Variants in PROM2 observed in about 807,000 individuals in gnomAD.
PROM2 encodes the protein prominin-2.
In PROM2, 90 loss-of-function variants were observed where a neutral mutation model predicts 110.2. The ratio of observed to expected loss-of-function variants is 0.82; its 90% CI spans 0.69 to 0.97. The LOEUF (loss-of-function observed/expected upper bound fraction) is 0.97, where lower values mean the gene tolerates loss of function less well. Ranked by LOEUF, PROM2 falls within the 50% of genes least tolerant of loss-of-function variation. PROM2 has a pLI of 0.00. For missense variants in PROM2, 1,009 were observed against 1,074.8 expected (o/e 0.94, Z 0.86); for synonymous variants, 470 against 467.8 (o/e 1.00, Z -0.06).
intron 13 of PROM2, 30 bp downstream of exon 13, chr2:95,282,046 C>T: frequency 6.2e-7 from 1 of 1,612,128 alleles, no homozygotes; most frequent in Non-Finnish European, 8.5e-7. Context: ...AGAGCTGGGA[C>T]CGGGGAAGGA....
intron 22 of PROM2, 136 bp from the exon 23 acceptor site, chr2:95,288,797 G>T: frequency 1.1e-6 from 1 of 931,796 alleles, no homozygotes; most frequent in Non-Finnish European, 1.7e-6. Context: ...ATCCATTTGG[G>T]CGCAGCTTCG....
Position 95,289,357 on chromosome 2 carries a change from A to C in PROM2, c.*144A>C. 1 of 301,758 alleles carries C rather than the reference A, an allele frequency of 3.3e-6. No homozygotes were observed. The highest frequency in any genetic ancestry group is 7.5e-5 in the East Asian group (1 of 13,416). The allele number at this position is 301,758 out of a possible 1,614,324, so 18.7% of individuals were successfully genotyped here. On this transcript the variant is annotated 3_prime_UTR_variant, in exon 24 of 24. Coordinates refer to ENST00000317620, the MANE Select transcript of PROM2 (RefSeq NM_001165978.3). ...CCCCAGTTCCGGCTTACCTGGCCCC[A>C]CCTTGCCTGCTCCTTTCCACCCCTT...
intron 21 of PROM2, 66 bp from the exon 22 acceptor site, chr2:95,288,417 G>A: frequency 6.3e-7 from 1 of 1,591,394 alleles, no homozygotes; most frequent in African/African-American, 1.3e-5. Context: ...CGGCTCTGAT[G>A]ACAAGGCAGC....
rs750836561 is a variant in PROM2 at position 95,287,440 on chromosome 2, G to T, written c.2220G>T (p.Gln740His). The T allele has an allele frequency of 3.1e-6, 5 of 1,614,106 alleles. No homozygotes were observed. Among genetic ancestry groups the T allele is most frequent in the Non-Finnish European group, 4.2e-6 (5 of 1,180,012 alleles). Residue 740 changes from glutamine to histidine, a missense_variant, in exon 20 of 24, where the codon CAG becomes CAT. By Grantham distance (24) the Gln-to-His change is conservative. Coordinates refer to ENST00000317620, the MANE Select transcript of PROM2 (RefSeq NM_001165978.3). ...CCCGGGAGATGGGCTACTTCTCCCAGTACGTGGCCTGGGTGAGAGAGGAGG... is the reference window on the plus strand; with the variant it reads ...CCCGGGAGATGGGCTACTTCTCCCATTACGTGGCCTGGGTGAGAGAGGAGG... The part of the protein sequence containing the change: ...FLAREMGYFS[Q>H]YVAWVREEVT...
Position 95,288,471 on chromosome 2 carries a change from G to A in PROM2, c.2335-12G>A, listed in dbSNP as rs780667506. On this transcript the variant is annotated splice_polypyrimidine_tract_variant and intron_variant, in intron 21 of 23. Coordinates refer to ENST00000317620, the MANE Select transcript of PROM2 (RefSeq NM_001165978.3). Reference sequence around the variant, plus strand: ...ACGTGGGTTGGTGAGCCGACCTCACGCCTTGTTGCAGAATGCCTTCTGGTT... The same window carrying A: ...ACGTGGGTTGGTGAGCCGACCTCACACCTTGTTGCAGAATGCCTTCTGGTT... The A allele has an allele frequency of 4.3e-6, 7 of 1,613,278 alleles. No individual in the cohort carries two copies. Among genetic ancestry groups the A allele is most frequent in the Admixed American group, 1.7e-5 (1 of 59,996 alleles).
In PROM2 at chr2:95,274,847, C is replaced by T. The variant is rs773388506; in HGVS notation, c.244+18C>T. 3 of 1,525,368 alleles carry T rather than the reference C, an allele frequency of 2.0e-6. No individual in the cohort carries two copies. Among genetic ancestry groups the T allele is most frequent in the African/African-American group, 2.8e-5 (2 of 72,218 alleles). The allele number at this position is 1,525,368 out of a possible 1,614,324, so 94.5% of individuals were successfully genotyped here. ...CCCTTCAGGTGAGTGTGCCCCTCCC[C>T]CATGAGGGCCTCAGCATTTGGGTCC... is the stretch of plus-strand genomic sequence containing the variant. On this transcript the variant is annotated intron_variant, in intron 1 of 23. Transcript: ENST00000317620.
At position 95,274,454 on chromosome 2, in the gene PROM2, C is replaced by T. The variant is rs1052473099; in HGVS notation, c.-132C>T. ...GGCAGGGAGGCGGGAGGCCAGGTAG[C>T]TCAGGAACCCAAACCTGTCGGGCAG... On this transcript the variant is annotated 5_prime_UTR_variant, in exon 1 of 24. Transcript: ENST00000317620. 11 of 1,242,290 alleles carry T rather than the reference C, an allele frequency of 8.9e-6. No individual in the cohort carries two copies. Among genetic ancestry groups the T allele is most frequent in the African/African-American group, 6.2e-5 (4 of 64,756 alleles). 77.0% of individuals were successfully genotyped at this position (1,242,290 alleles called of 1,614,324 possible). A position where few individuals can be genotyped will look rare whatever the true frequency, so the allele number is the denominator to read the frequency against.
chr2:95,285,767 C>T (rs538758307), intron 16 of PROM2, 57 bp downstream of exon 16: 68 of 1,512,164 alleles, frequency 4.5e-5, no homozygotes, highest in Admixed American at 1.2e-4. Flanking sequence ...GCTTGGGAGG[C>T]GGGAAAGGGT....
chr2:95,277,991 G>A lies in PROM2; in HGVS notation c.1037G>A (p.Ser346Asn). 1 of 1,610,452 alleles carries A rather than the reference G, an allele frequency of 6.2e-7. No individual in the cohort carries two copies. Among genetic ancestry groups the A allele is most frequent in the Non-Finnish European group, 8.5e-7 (1 of 1,178,818 alleles). The change falls in exon 8 of 24, where the codon AGC becomes AAC. Residue 346 changes from serine to asparagine, a missense_variant. By Grantham distance (46) the Ser-to-Asn change is conservative. Coordinates refer to ENST00000317620, the MANE Select transcript of PROM2 (RefSeq NM_001165978.3). ...GGTGTCCCCGAGGCCAACTTCTCCAGCATGGTCCAGGAGGTGAGAGCCACC... is the reference window on the plus strand; with the variant it reads ...GGTGTCCCCGAGGCCAACTTCTCCAACATGGTCCAGGAGGTGAGAGCCACC... ...LKGVPEANFSSMVQEENSTFN... is the reference protein window; with the variant it reads ...LKGVPEANFSNMVQEENSTFN...
intron 8 of PROM2, chr2:95,278,213 G>A (rs537764016): frequency 2.3e-4 from 135 of 597,128 alleles, no homozygotes; most frequent in African/African-American, 2.0e-3. Flanking sequence ...GGCGGCAGGC[G>A]TCTGGGGGTG....
At chr2:95,277,866 C>T in intron 7 of PROM2, 64 bp from the exon 8 acceptor site, 1 of 1,411,548 alleles carries the variant, frequency 7.1e-7, no homozygotes, top group African/African-American at 1.4e-5. Flanking sequence ...CCCTCATCCA[C>T]CCTCAGGGAT....
chr2:95,274,937 C>T (rs1676560604), intron 1 of PROM2, 108 bp downstream of exon 1: 2 of 1,382,722 alleles, frequency 1.4e-6, no homozygotes, highest in Admixed American at 2.5e-5. Context: ...AGGCACTTGC[C>T]ATCTTCCTGG....
chr2:95,274,658 G>A lies in PROM2; in HGVS notation c.73G>A (p.Ala25Thr). ...GLGLALSQLA[A>T]GATDCKFLGP... ...GGGGCTGGCCCTGAGTCAGCTGGCT[G>A]CAGGGGCCACAGACTGCAAGTTCCT... is the stretch of plus-strand genomic sequence containing the variant. The change falls in exon 1 of 24, where the codon GCA (alanine) becomes ACA (threonine). Residue 25 changes from alanine (A) to threonine (T), a missense_variant. By Grantham distance (58) the Ala-to-Thr change is moderately conservative (BLOSUM62 0). Transcript: ENST00000317620. 6.2e-7 allele frequency: 1 copy of A among 1,610,756 alleles called. No individual in the cohort carries two copies. The highest frequency in any genetic ancestry group is 8.5e-7 in the Non-Finnish European group (1 of 1,178,008).
chr2:95,281,454 C>A, intron 12 of PROM2, 89 bp downstream of exon 12: 3 of 115,832 alleles, frequency 2.6e-5, no homozygotes, highest in South Asian at 1.1e-4. Flanking sequence ...AAGTGGGGGT[C>A]GGGGGGTAAA....
Position 95,275,473 on chromosome 2 carries a change from C to T in PROM2, c.257C>T (p.Ala86Val). 1 of 1,613,526 alleles carries T rather than the reference C, an allele frequency of 6.2e-7. No homozygotes were observed. Among genetic ancestry groups the T allele is most frequent in the Non-Finnish European group, 8.5e-7 (1 of 1,179,710 alleles). Residue 86 changes from alanine (A) to valine (V), a missense_variant, in exon 2 of 24, where the codon GCC (alanine) becomes GTC (valine). Ala to Val is a moderately conservative substitution (Grantham distance 64). Transcript: ENST00000317620. This position sits in a 1 kb window ranked among gnomAD's most constrained non-coding sequence, Gnocchi z 4.4. Reference protein sequence around the residue: ...LNPFPSELVKALLNELASVKV... With the variant: ...LNPFPSELVKVLLNELASVKV... ...CTCTTTCCCATAGAGTTGGTAAAGG[C>T]CCTACTGAATGAGCTGGCCTCCGTG...
At position 95,291,156 on chromosome 2, in the gene PROM2, C is replaced by G. The variant is rs954637008; in HGVS notation, c.*1943C>G. 6.6e-6 allele frequency: 1 copy of G among 151,988 alleles called. No homozygotes were observed. Among genetic ancestry groups the G allele is most frequent in the Non-Finnish European group, 1.5e-5 (1 of 68,014 alleles). The allele number at this position is 151,988 out of a possible 1,614,324, so 9.4% of individuals were successfully genotyped here. A position where few individuals can be genotyped will look rare whatever the true frequency, so the allele number is the denominator to read the frequency against. On this transcript the variant is annotated 3_prime_UTR_variant, in exon 24 of 24. Transcript: ENST00000317620. ...ATACACAATGTATTATTATCACTGTCAGATGAGCATGCTTGAATGTAGCAT... is the reference window on the plus strand; with the variant it reads ...ATACACAATGTATTATTATCACTGTGAGATGAGCATGCTTGAATGTAGCAT...
Position 95,277,575 on chromosome 2 carries a change from CCAGGACAGAGTCCTCTT to C in PROM2, c.975+10_975+26del, listed in dbSNP as rs777937996. 1.3e-4 allele frequency: 202 copies of C among 1,547,050 alleles called. No homozygotes were observed. The highest frequency in any genetic ancestry group is 1.7e-4 in the Non-Finnish European group (193 of 1,149,364). On this transcript the variant is annotated intron_variant, in intron 7 of 23. Coordinates refer to ENST00000317620, the MANE Select transcript of PROM2 (RefSeq NM_001165978.3). ...GTGCTGACTTCAGCCAGGTGCAGAC[CCAGGACAGAGTCCTCTT>C]AAAGCCACGGAGGGCTAGCTGCCTG... is the stretch of plus-strand genomic sequence containing the variant.
intron 6 of PROM2, 130 bp from the exon 7 acceptor site, chr2:95,277,234 A>T: frequency 8.4e-7 from 1 of 1,183,954 alleles, no homozygotes; most frequent in Non-Finnish European, 1.2e-6. Context: ...GCCCTGGGGC[A>T]GTTTCCACTG....
At chr2:95,285,593 A>G in intron 15 of PROM2, 46 bp from the exon 16 acceptor site, 1 of 1,524,404 alleles carries the variant, frequency 6.6e-7, no homozygotes, top group Non-Finnish European at 8.9e-7. Flanking sequence ...GGTGGGCCCC[A>G]GGGGAGCTGG....
Sources: gnomAD v4.1 joint callset for allele counts on GRCh38, gnomAD v4.1.1 for gene constraint, Gnocchi (gnomAD v3.1) non-coding constraint, MANE v1.5 for transcripts, NCBI Gene and HGNC (gene_info 2026-07-23, HGNC 2026-07-21) for gene names.